The following RHBDL2 variants were observed in gnomAD, a reference collection of about 807,000 sequenced individuals.
RHBDL2 encodes rhomboid like 2, also known as rhomboid-related protein 2.
RHBDL2 carries 26 observed loss-of-function variants against 31.7 expected under a neutral mutation model. That is an observed-to-expected ratio of 0.82 (90% CI 0.60 to 1.14). The LOEUF (loss-of-function observed/expected upper bound fraction) is 1.14, where lower values mean the gene tolerates loss of function less well. Among genes scored for constraint, RHBDL2 ranks in the 50% most tolerant of loss-of-function variants. The probability of loss-of-function intolerance (pLI) is 0.00; values close to 1 mark genes in which losing one functional copy is unlikely to be tolerated. For missense variants in RHBDL2, 336 were observed against 364.4 expected, an observed-to-expected ratio of 0.92 and a Z score of 0.63; for synonymous variants, 123 against 127.2, an observed-to-expected ratio of 0.97 and a Z score of 0.22.
intron 4 of RHBDL2, among the ~76,000 whole-genome samples, chr1:38,907,402 T>A (rs1440381454): frequency 6.6e-6 from 1 of 151,970 alleles, no homozygotes. Context: ...TAGCCAGGCA[T>A]GGTGGTGGGC....
In RHBDL2 at chr1:38,919,172, A is replaced by T. The variant is rs1340845140; in HGVS notation, c.41T>A (p.Leu14Gln). ...VHDLEMESMN[L>Q]NMGREMKEEL... ...TTCTTTCATCTCTCTCCCCATATTCAGATTCATGCTCTCCATCTCCAGATC... is the reference window on the plus strand; with the variant it reads ...TTCTTTCATCTCTCTCCCCATATTCTGATTCATGCTCTCCATCTCCAGATC... Residue 14 changes from leucine to glutamine, a missense_variant, in exon 2 of 8, where the codon CTG becomes CAG. Leu to Gln is a moderately radical substitution (Grantham distance 113). Coordinates refer to ENST00000372990, the MANE Select transcript of RHBDL2 (RefSeq NM_017821.5). The T allele has an allele frequency of 6.2e-7, 1 of 1,613,882 alleles. No individual in the cohort carries two copies. Among genetic ancestry groups the T allele is most frequent in the Non-Finnish European group, 8.5e-7 (1 of 1,180,010 alleles).
At chr1:38,930,666 G>A (rs1183994313) in intron 1 of RHBDL2, among the ~76,000 whole-genome samples, 2 of 152,162 alleles carry the variant, frequency 1.3e-5, no homozygotes, top group Non-Finnish European at 2.9e-5. Flanking sequence ...ATTTACATGA[G>A]TTAACAGACC....
chr1:38,934,047 C>T (rs1311269357), intron 1 of RHBDL2, among the ~76,000 whole-genome samples: 1 of 152,022 alleles, frequency 6.6e-6, no homozygotes. Flanking sequence ...TCATAAATCC[C>T]CATAAAAATT....
At chr1:38,930,618 G>A (rs1643429583) in intron 1 of RHBDL2, among the ~76,000 whole-genome samples, 1 of 152,068 alleles carries the variant, frequency 6.6e-6, no homozygotes, top group Admixed American at 6.6e-5. Flanking sequence ...GCGCACTAAG[G>A]GATATAGTCT....
At chr1:38,891,109 A>T (rs1642847751) in intron 6 of RHBDL2, among the ~76,000 whole-genome samples, 1 of 151,934 alleles carries the variant, frequency 6.6e-6, no homozygotes, top group Non-Finnish European at 1.5e-5. Flanking sequence ...TCTCTACTAA[A>T]AATACAATAA....
At chr1:38,905,014 G>A (rs1344777667) in intron 4 of RHBDL2, among the ~76,000 whole-genome samples, 1 of 150,528 alleles carries the variant, frequency 6.6e-6, no homozygotes, top group African/African-American at 2.4e-5. Flanking sequence ...CTGGGCAACA[G>A]AGCGAGACTC....
rs1223109465 is a variant in RHBDL2, at chr1:38,913,239, A to G, written c.396-1805T>C. On this transcript the variant is annotated intron_variant, in intron 3 of 7. Coordinates refer to ENST00000372990, the MANE Select transcript of RHBDL2 (RefSeq NM_017821.5). ...CTCAGGTGACCACCTCAGCTTCCCA[A>G]ACTGCTGGGATTACAAGGCATGAGC... 2.6e-5 allele frequency among the ~76,000 whole-genome samples: 4 copies of G among 151,690 alleles called. No individual in the cohort carries two copies. The East Asian group carries it at 7.8e-4, about 30-fold the overall frequency.
chr1:38,897,160 G>A (rs1642928780), intron 4 of RHBDL2, among the ~76,000 whole-genome samples: 1 of 151,656 alleles, frequency 6.6e-6, no homozygotes, highest in Non-Finnish European at 1.5e-5. Flanking sequence ...GAGTGCAGTG[G>A]CGTGATCTCA....
chr1:38,893,099 T>C, intron 6 of RHBDL2, 65 bp downstream of exon 6: 1 of 956,020 alleles, frequency 1.0e-6, no homozygotes, highest in Non-Finnish European at 1.6e-6. Flanking sequence ...ATAAAATGTT[T>C]AGAGATTTGT....
chr1:38,928,671 C>G (rs1490398105), intron 1 of RHBDL2, among the ~76,000 whole-genome samples: 1 of 152,050 alleles, frequency 6.6e-6, no homozygotes, highest in Non-Finnish European at 1.5e-5. Flanking sequence ...ATCTCGAACT[C>G]CCTACCTCAG....
intron 3 of RHBDL2, among the ~76,000 whole-genome samples, chr1:38,914,082 A>C (rs1570929783): frequency 1.3e-5 from 2 of 150,694 alleles, no homozygotes; most frequent in African/African-American, 4.9e-5. Context: ...GCACCACCGC[A>C]CTCCAGCCTG....
At chr1:38,934,658 C>CAA (rs369758227) in intron 1 of RHBDL2, among the ~76,000 whole-genome samples, 4,604 of 123,680 alleles carry the variant, frequency 0.037, 219 homozygotes, top group African/African-American at 0.11. Context: ...AAGACTGTCT[C>CAA]AAAAAAAAAA....
In RHBDL2 at chr1:38,919,344, G is replaced by T. The variant is rs1259980326; in HGVS notation, c.-125-7C>A. On this transcript the variant is annotated splice_polypyrimidine_tract_variant and splice_region_variant and intron_variant, in intron 1 of 7. Transcript: ENST00000372990. ...CTGCTTTCCAAGGCCTTTCCTGTAT[G>T]TGAAGAGAAGACAGCTGAAGATGAT... 1 of 1,575,638 alleles carries T rather than the reference G, an allele frequency of 6.3e-7. No individual in the cohort carries two copies. The highest frequency in any genetic ancestry group is 2.3e-5 in the East Asian group (1 of 44,424).
chr1:38,929,669 T>A, intron 1 of RHBDL2: 1 of 810,354 alleles, frequency 1.2e-6, no homozygotes, highest in Non-Finnish European at 1.5e-6. Context: ...TGTAGCCAAT[T>A]GCTGCCCAGC....
At chr1:38,896,157 T>G in intron 4 of RHBDL2, 88 bp from the exon 5 acceptor site, 2 of 996,060 alleles carry the variant, frequency 2.0e-6, no homozygotes, top group Non-Finnish European at 3.0e-6. Flanking sequence ...ATTTGGGAAG[T>G]CTGGTCTATT....
At chr1:38,924,241 T>G (rs1196241556) in intron 1 of RHBDL2, among the ~76,000 whole-genome samples, 2 of 151,920 alleles carry the variant, frequency 1.3e-5, no homozygotes, top group African/African-American at 4.8e-5. Context: ...GAGCCTGTAA[T>G]CCACAAGTAT....
At chr1:38,895,843 C>A in intron 5 of RHBDL2, 126 bp downstream of exon 5, 1 of 638,694 alleles carries the variant, frequency 1.6e-6, no homozygotes. Context: ...AATGGCATTG[C>A]CATACAATTC....
intron 1 of RHBDL2, among the ~76,000 whole-genome samples, chr1:38,921,743 T>C (rs1187689998): frequency 2.0e-5 from 3 of 152,212 alleles, no homozygotes; most frequent in Non-Finnish European, 4.4e-5. Flanking sequence ...ATTCAGTCCA[T>C]AGATATAACT....
intron 1 of RHBDL2, among the ~76,000 whole-genome samples, chr1:38,921,285 G>C (rs532739625): frequency 3.6e-4 from 55 of 152,336 alleles, no homozygotes; most frequent in African/African-American, 1.1e-3. Flanking sequence ...GAAGGCTGAA[G>C]CAGGAGAATC....
Sources: gnomAD v4.1 joint callset for allele counts (sites outside exome capture counted in the v4.1 genomes callset) on GRCh38, gnomAD v4.1.1 for gene constraint, MANE v1.5 for transcripts, NCBI Gene and HGNC (gene_info 2026-07-23, HGNC 2026-07-21) for gene names.